LTBP1: variants seen among roughly 807,000 people sequenced by gnomAD.
The protein encoded by LTBP1 is latent transforming growth factor beta binding protein 1, also known as latent-transforming growth factor beta-binding protein 1.
Under a neutral mutation model 207.6 loss-of-function variants are expected in LTBP1, and 129 were observed. The ratio of observed to expected loss-of-function variants is 0.62; its 90% confidence interval spans 0.54 to 0.72. The LOEUF (loss-of-function observed/expected upper bound fraction) is 0.72. LTBP1 is among the 30% of genes least tolerant of loss of function. The probability of loss-of-function intolerance (pLI) is 0.00; values close to 1 mark genes in which losing one functional copy is unlikely to be tolerated. For missense variants in LTBP1, 2,281 were observed against 2,217.2 expected (o/e 1.03, Z -0.58); for synonymous variants, 963 against 833.7 (o/e 1.16, Z -2.67).
chr2:32,948,828 A>G (rs925795069), intron 1 of LTBP1, 47 bp from the exon 2 acceptor site: 22 of 1,547,816 alleles, frequency 1.4e-5, no homozygotes, highest in Non-Finnish European at 1.8e-5. Context: ...GGTTCTTGGG[A>G]AGGGGGTCTT....
At position 33,389,207 on chromosome 2, in the gene LTBP1, AT is replaced by A; in HGVS notation, c.4736del (p.Ile1579ThrfsTer3). The A allele has an allele frequency of 1.2e-6, 2 of 1,614,172 alleles. No individual in the cohort carries two copies. The highest frequency in any genetic ancestry group is 1.7e-6 in the Non-Finnish European group (2 of 1,180,028). ...AGATGACTATGCTCAGCTGTGTAAC[AT>A]CCCCGTGACGGGACGCCGGCAGCCA... ...DSDDYAQLCN[I>X]PVTGRRQPYG... On this transcript the variant is annotated frameshift_variant, in exon 32 of 34. Coordinates refer to ENST00000404816, the MANE Select transcript of LTBP1 (RefSeq NM_206943.4). LOFTEE classifies it high-confidence loss of function.
At chr2:33,079,133 G>A (rs62133311) in intron 3 of LTBP1, among the ~76,000 whole-genome samples, 48 of 151,720 alleles carry the variant, frequency 3.2e-4, no homozygotes, top group Admixed American at 7.2e-4. Context: ...CATATATTCC[G>A]ACCAGTGTTG....
At chr2:33,349,652 A>G (rs550653814) in intron 26 of LTBP1, among the ~76,000 whole-genome samples, 15 of 152,202 alleles carry the variant, frequency 9.9e-5, no homozygotes, top group Non-Finnish European at 1.9e-4. Context: ...AAATTTTTAC[A>G]GTTTTTCTCA....
chr2:33,033,022 C>G (rs1019021129), intron 3 of LTBP1, among the ~76,000 whole-genome samples: 1 of 152,164 alleles, frequency 6.6e-6, no homozygotes, highest in African/African-American at 2.4e-5. Flanking sequence ...TCATGAAAAA[C>G]AAGGATTTGA....
intron 5 of LTBP1, among the ~76,000 whole-genome samples, chr2:33,157,541 A>C (rs2084068397): frequency 6.6e-6 from 1 of 152,208 alleles, no homozygotes; most frequent in Non-Finnish European, 1.5e-5. Flanking sequence ...GGAGGTTATG[A>C]CTTCAAGGTC....
At chr2:33,139,279 G>A (rs1342880413) in intron 5 of LTBP1, among the ~76,000 whole-genome samples, 1 of 152,204 alleles carries the variant, frequency 6.6e-6, no homozygotes, top group African/African-American at 2.4e-5. Flanking sequence ...GGTGGTTTCA[G>A]CCAGGTTTTC....
At chr2:33,383,646 A>G (rs944190272) in intron 31 of LTBP1, among the ~76,000 whole-genome samples, 1 of 151,938 alleles carries the variant, frequency 6.6e-6, no homozygotes, top group Non-Finnish European at 1.5e-5. Flanking sequence ...TGCAGCCTGG[A>G]CTTATCTGGG....
chr2:33,113,527 G>A (rs181990443), intron 4 of LTBP1, among the ~76,000 whole-genome samples: 9 of 152,216 alleles, frequency 5.9e-5, no homozygotes, highest in Admixed American at 1.3e-4. Context: ...CTTTTGGGAG[G>A]GATGACTATT....
At chr2:33,178,631 G>T (rs2086309173) in intron 5 of LTBP1, among the ~76,000 whole-genome samples, 1 of 152,170 alleles carries the variant, frequency 6.6e-6, no homozygotes, top group South Asian at 2.1e-4. Flanking sequence ...TATTTGATAG[G>T]TGGCGATGGA....
chr2:33,177,682 A>G (rs776126706), intron 5 of LTBP1, among the ~76,000 whole-genome samples: 2 of 152,192 alleles, frequency 1.3e-5, no homozygotes, highest in Non-Finnish European at 2.9e-5. Flanking sequence ...AAAGAAACAA[A>G]GAAAGAAATG....
intron 12 of LTBP1, 47 bp from the exon 13 acceptor site, chr2:33,259,541 G>A (rs779873211): frequency 7.3e-7 from 1 of 1,377,626 alleles, no homozygotes; most frequent in Non-Finnish European, 1.0e-6. Flanking sequence ...ATAATAGACT[G>A]AATTGTCTTA....
chr2:33,128,916 C>T (rs2081599549), intron 4 of LTBP1, among the ~76,000 whole-genome samples: 1 of 152,178 alleles, frequency 6.6e-6, no homozygotes, highest in Non-Finnish European at 1.5e-5. Context: ...CTGGATGGGG[C>T]AATGCTGGTA....
chr2:33,129,477 C>T (rs937334024), intron 4 of LTBP1, among the ~76,000 whole-genome samples: 2 of 152,184 alleles, frequency 1.3e-5, no homozygotes, highest in African/African-American at 4.8e-5. Context: ...CAGATTTTAT[C>T]TATAAAGTTA....
intron 26 of LTBP1, among the ~76,000 whole-genome samples, chr2:33,359,833 A>G (rs1559065811): frequency 6.6e-6 from 1 of 152,184 alleles, no homozygotes. Context: ...GAATTCAATC[A>G]ATTTCATTAT....
At chr2:33,309,339 G>T in intron 22 of LTBP1, 95 bp from the exon 23 acceptor site, 83 of 661,814 alleles carry the variant, frequency 1.3e-4, no homozygotes, top group East Asian at 2.6e-4. Flanking sequence ...TATTATAAAT[G>T]ATGTAAAATA....
In LTBP1 at chr2:33,242,961, A is replaced by G. The variant is rs1170610205; in HGVS notation, c.1877-701A>G. On this transcript the variant is annotated intron_variant, in intron 9 of 33. Coordinates refer to ENST00000404816, the MANE Select transcript of LTBP1 (RefSeq NM_206943.4). ...CTGAATTGTACCAGCTCTGTTTCCA[A>G]CTATTTACCTTCCTGAATCTTCTTT... 3.9e-5 allele frequency among the ~76,000 whole-genome samples: 6 copies of G among 151,994 alleles called. No individual in the cohort carries two copies. The East Asian group carries it at 1.2e-3, about 29-fold the overall frequency.
chr2:33,302,523 G>A (rs1182142983), intron 22 of LTBP1, among the ~76,000 whole-genome samples: 1 of 152,084 alleles, frequency 6.6e-6, no homozygotes, highest in African/African-American at 2.4e-5. Context: ...AAGATCTATT[G>A]TCATTTACAG....
chr2:33,213,315 A>G (rs1455490352), intron 7 of LTBP1, among the ~76,000 whole-genome samples: 1 of 152,244 alleles, frequency 6.6e-6, no homozygotes, highest in East Asian at 1.9e-4. Context: ...TCCTGAAATG[A>G]TAAGGCTTTC....
chr2:32,974,634 T>C (rs1286716737), intron 2 of LTBP1, among the ~76,000 whole-genome samples: 2 of 152,184 alleles, frequency 1.3e-5, no homozygotes, highest in Non-Finnish European at 2.9e-5. Context: ...AGGGTATTGC[T>C]CTTTGTCTTT....
Sources: gnomAD v4.1 joint callset for allele counts (sites outside exome capture counted in the v4.1 genomes callset) on GRCh38, gnomAD v4.1.1 for gene constraint, MANE v1.5 for transcripts, NCBI Gene and HGNC (gene_info 2026-07-23, HGNC 2026-07-21) for gene names.